The following MCC variants were observed in gnomAD, a reference collection of about 807,000 sequenced individuals.
MCC encodes the protein MCC regulator of Wnt signaling pathway.
In MCC, 90 loss-of-function variants were observed where a neutral mutation model predicts 116.2. The ratio of observed to expected loss-of-function variants is 0.77; its 90% CI spans 0.65 to 0.92. The LOEUF is 0.92. MCC is among the 40% of genes least tolerant of loss of function. The pLI, the probability that MCC is intolerant of heterozygous loss-of-function variation, is 0.00. For missense variants in MCC, 1,516 were observed against 1,312.2 expected (o/e 1.16, Z -2.40); for synonymous variants, 578 against 510.5 (o/e 1.13, Z -1.78).
intron 2 of MCC, among the ~76,000 whole-genome samples, chr5:113,363,697 G>A (rs1768606444): frequency 6.6e-6 from 1 of 152,082 alleles, no homozygotes; most frequent in Admixed American, 6.5e-5. Flanking sequence ...TTCCACCTCT[G>A]GACCCTCCAA....
At chr5:113,351,320 C>T (rs1768262621) in intron 2 of MCC, among the ~76,000 whole-genome samples, 1 of 151,990 alleles carries the variant, frequency 6.6e-6, no homozygotes, top group African/African-American at 2.4e-5. Context: ...ATGAAGAGAA[C>T]ATGGTACATA....
At chr5:113,341,111 C>A (rs1236376378) in intron 2 of MCC, among the ~76,000 whole-genome samples, 2 of 152,200 alleles carry the variant, frequency 1.3e-5, no homozygotes, top group Non-Finnish European at 2.9e-5. Context: ...AAAAAGGAAG[C>A]AAGAAGAATG....
At chr5:113,180,088 C>T (rs943507402) in intron 3 of MCC, among the ~76,000 whole-genome samples, 1 of 152,152 alleles carries the variant, frequency 6.6e-6, no homozygotes, top group African/African-American at 2.4e-5. Context: ...CGACAGCCTC[C>T]TCCCCCGATT....
chr5:113,086,416 G>A (rs1019591655), intron 8 of MCC, among the ~76,000 whole-genome samples: 3 of 152,174 alleles, frequency 2.0e-5, no homozygotes, highest in African/African-American at 7.2e-5. Context: ...TAGGCTAAGA[G>A]AAGAGACATT....
At chr5:113,322,340 A>T (rs1767440940) in intron 3 of MCC, among the ~76,000 whole-genome samples, 2 of 152,204 alleles carry the variant, frequency 1.3e-5, no homozygotes, top group Non-Finnish European at 2.9e-5. Flanking sequence ...CTGTACTATA[A>T]TTTTATTTTA....
chr5:113,107,769 C>A (rs1408526868), intron 6 of MCC, among the ~76,000 whole-genome samples: 1 of 152,164 alleles, frequency 6.6e-6, no homozygotes, highest in Non-Finnish European at 1.5e-5. Context: ...CCACCTGATG[C>A]AATAATGACA....
chr5:113,109,822 G>A (rs549158080), intron 6 of MCC, among the ~76,000 whole-genome samples: 11 of 152,238 alleles, frequency 7.2e-5, no homozygotes, highest in African/African-American at 2.6e-4. Context: ...GAGAGCAAGA[G>A]AAGGAAGAAA....
chr5:113,202,333 T>C (rs1267463269), intron 3 of MCC, among the ~76,000 whole-genome samples: 2 of 152,096 alleles, frequency 1.3e-5, no homozygotes, highest in African/African-American at 2.4e-5. Context: ...CTTAAAAAAC[T>C]TGCTTAGGCC....
chr5:113,074,012 G>T (rs1049686847), intron 11 of MCC, among the ~76,000 whole-genome samples: 1 of 152,236 alleles, frequency 6.6e-6, no homozygotes, highest in Non-Finnish European at 1.5e-5. Flanking sequence ...GTCCCTGTCT[G>T]ACAGCTATGA....
At chr5:113,071,059 C>G in intron 12 of MCC, 35 bp downstream of exon 12, 3 of 1,599,784 alleles carry the variant, frequency 1.9e-6, no homozygotes. Flanking sequence ...CACTTCTACC[C>G]TGAAGTAGCT....
intron 3 of MCC, among the ~76,000 whole-genome samples, chr5:113,234,996 C>A (rs530474170): frequency 6.6e-6 from 1 of 152,192 alleles, no homozygotes; most frequent in African/African-American, 2.4e-5. Flanking sequence ...TGGCAAACTT[C>A]CAAGAGCATG....
At chr5:113,340,218 C>G (rs748346836) in intron 3 of MCC, among the ~76,000 whole-genome samples, 1 of 152,170 alleles carries the variant, frequency 6.6e-6, no homozygotes, top group East Asian at 1.9e-4. Flanking sequence ...ATGTCTAGAA[C>G]CATAGAAGTA....
intron 1 of MCC, chr5:113,433,647 T>A: frequency 6.9e-7 from 1 of 1,450,510 alleles, no homozygotes; most frequent in South Asian, 1.4e-5. Context: ...CATCTGGGAC[T>A]GCCTTCCTTC....
rs375264837 is a variant in MCC, at chr5:113,333,804, T to C, written c.627+6715A>G. On this transcript the variant is annotated intron_variant, in intron 3 of 18. Coordinates refer to ENST00000408903, the MANE Select transcript of MCC (RefSeq NM_001085377.2). The stretch of plus-strand genomic sequence containing the variant: ...TCATATATATTTATATATATATGTA[T>C]ATATGTATATATGTACATATATGTA... Among the ~76,000 whole-genome samples the C allele has an allele frequency of 8.3e-4, 90 of 108,038 alleles. 6 individuals are homozygous for C. Among genetic ancestry groups the C allele is most frequent in the African/African-American group, 1.7e-3 (47 of 27,334 alleles). The allele number at this position is 108,038 out of a possible 152,430, so 70.9% of individuals were successfully genotyped here. A position where few individuals can be genotyped will look rare whatever the true frequency, so the allele number is the denominator to read the frequency against.
At chr5:113,418,101 A>T (rs541340763) in intron 1 of MCC, among the ~76,000 whole-genome samples, 2 of 151,952 alleles carry the variant, frequency 1.3e-5, no homozygotes, top group African/African-American at 4.8e-5. Context: ...CTAAAGCTAC[A>T]TGTTGGATTT....
intron 18 of MCC, 126 bp from the exon 19 acceptor site, chr5:113,027,608 G>A (rs1750648818): frequency 1.1e-6 from 1 of 877,286 alleles, no homozygotes; most frequent in Non-Finnish European, 1.8e-6. Context: ...ATCCTCTTCG[G>A]TAAGAATCTG....
In MCC at chr5:113,064,136, C is replaced by G. The variant is rs746341490; in HGVS notation, c.2061G>C (p.Gln687His). ...GDQSGDENIT[Q>H]MLKRAHDCRK... ...GGCAGTCATGAGCTCGCTTGAGCAT[C>G]TGAGTGATGTTTTCATCCCCCGACT... is the stretch of plus-strand genomic sequence containing the variant. Residue 687 changes from glutamine to histidine, a missense_variant, in exon 14 of 19, where the codon CAG becomes CAC. Gln to His is a conservative substitution (Grantham distance 24). Transcript: ENST00000408903. 1.5e-5 allele frequency: 25 copies of G among 1,613,352 alleles called. No individual in the cohort carries two copies. Among genetic ancestry groups the G allele is most frequent in the Non-Finnish European group, 1.9e-5 (23 of 1,179,640 alleles).
intron 3 of MCC, among the ~76,000 whole-genome samples, chr5:113,160,204 G>A (rs1760406186): frequency 6.6e-6 from 1 of 152,174 alleles, no homozygotes; most frequent in African/African-American, 2.4e-5. Flanking sequence ...TGGTCCCTAG[G>A]ACCCACTTAA....
intron 3 of MCC, among the ~76,000 whole-genome samples, chr5:113,313,495 C>T (rs909880171): frequency 2.0e-5 from 3 of 151,982 alleles, no homozygotes; most frequent in South Asian, 2.1e-4. Context: ...TATCTGATAG[C>T]GGTGGTTGGG....
Sources: allele counts gnomAD v4.1 joint callset (sites outside exome capture counted in the v4.1 genomes callset), GRCh38; gene constraint gnomAD v4.1.1; transcripts MANE v1.5; gene names NCBI Gene and HGNC (gene_info 2026-07-23, HGNC 2026-07-21).